NPAS3: variants seen among roughly 807,000 people sequenced by gnomAD.
NPAS3 encodes the protein neuronal PAS domain-containing protein 3.
A neutral mutation model predicts 73.1 loss-of-function variants in NPAS3; 14 were observed. That is an observed-to-expected ratio of 0.19 (90% CI 0.13 to 0.30). The LOEUF is 0.30. Among genes scored for constraint, NPAS3 ranks in the 10% least tolerant of loss-of-function variants. NPAS3 has a pLI of 1.00. For missense variants in NPAS3, 1,096 were observed against 1,250.0 expected (o/e 0.88, Z 1.86); for synonymous variants, 620 against 541.5 (o/e 1.14, Z -2.01).
exon 2 of NPAS3, chr14:33,055,967 G>C (rs1170764805): frequency 1.2e-6 from 1 of 810,148 alleles, no homozygotes; most frequent in Non-Finnish European, 2.1e-6. Context: ...AGATATGACG[G>C]AATCTACTGT....
chr14:32,936,567 G>C (rs922162604), upstream of NPAS3, among the ~76,000 whole-genome samples: 2 of 152,148 alleles, frequency 1.3e-5, no homozygotes, highest in African/African-American at 4.8e-5. Flanking sequence ...TAACTAGGAA[G>C]TGCAGGCAAT....
chr14:33,436,525 C>G (rs775954698), intron 4 of NPAS3, among the ~76,000 whole-genome samples: 4 of 152,172 alleles, frequency 2.6e-5, no homozygotes, highest in Non-Finnish European at 5.9e-5. Context: ...CTCCCCAAAT[C>G]TGTTGTCTTT....
chr14:33,465,511 G>A (rs541086022), intron 4 of NPAS3, among the ~76,000 whole-genome samples: 7 of 152,148 alleles, frequency 4.6e-5, no homozygotes, highest in Non-Finnish European at 1.0e-4. Context: ...ACTAGCTTTG[G>A]TTGAGCACTT....
chr14:33,529,341 T>A (rs564074398), intron 4 of NPAS3, among the ~76,000 whole-genome samples: 19 of 152,280 alleles, frequency 1.2e-4, no homozygotes, highest in African/African-American at 4.6e-4. Flanking sequence ...TCTATATTTA[T>A]TGAGAGCATG....
intron 6 of NPAS3, among the ~76,000 whole-genome samples, chr14:33,686,568 C>A (rs562474293): frequency 6.6e-6 from 1 of 152,264 alleles, no homozygotes. Flanking sequence ...TTATATGCAT[C>A]ACCTCATTTA....
upstream of NPAS3, among the ~76,000 whole-genome samples, chr14:32,938,834 CCCG>C (rs1047805754): frequency 4.1e-5 from 6 of 146,212 alleles, no homozygotes; most frequent in Non-Finnish European, 7.6e-5. Context: ...GCCGCCTCCC[CCCG>C]CCGCCGCCGC....
intron 5 of NPAS3, among the ~76,000 whole-genome samples, chr14:33,601,836 C>T (rs1431412089): frequency 6.6e-6 from 1 of 152,156 alleles, no homozygotes; most frequent in Non-Finnish European, 1.5e-5. Context: ...TTGGAGTAAG[C>T]ATGAGGACTT....
chr14:33,426,671 G>T (rs1199043831), intron 4 of NPAS3, among the ~76,000 whole-genome samples: 1 of 152,012 alleles, frequency 6.6e-6, no homozygotes, highest in East Asian at 1.9e-4. Flanking sequence ...AGTGCAGATG[G>T]GGTACAGGGG....
intron 2 of NPAS3, among the ~76,000 whole-genome samples, chr14:33,112,575 C>G (rs540838047): frequency 6.6e-6 from 1 of 152,238 alleles, no homozygotes; most frequent in Admixed American, 6.5e-5. Flanking sequence ...AGCCCTTTGT[C>G]AGATGAGTAG....
chr14:33,208,283 A>T (rs1224828096), intron 2 of NPAS3, among the ~76,000 whole-genome samples: 2 of 152,176 alleles, frequency 1.3e-5, no homozygotes, highest in Non-Finnish European at 2.9e-5. Flanking sequence ...ACATCAGTTG[A>T]AAAGGACTGT....
chr14:33,050,269 T>C (rs577902632), intron 1 of NPAS3, among the ~76,000 whole-genome samples: 172 of 152,316 alleles, frequency 1.1e-3, no homozygotes, highest in Non-Finnish European at 2.0e-3. Flanking sequence ...TTTTTTTGTT[T>C]TTTGTTTTAA....
intron 4 of NPAS3, among the ~76,000 whole-genome samples, chr14:33,541,099 GTGTGTGT>G (rs1566985320): frequency 0.014 from 2,012 of 148,598 alleles, 56 homozygotes; most frequent in African/African-American, 0.047. Context: ...GTTTAGAGGT[GTGTGTGT>G]GTGTGTGTGT....
intron 4 of NPAS3, among the ~76,000 whole-genome samples, chr14:33,493,269 A>G (rs765599819): frequency 7.0e-4 from 106 of 151,044 alleles, no homozygotes; most frequent in Non-Finnish European, 1.3e-3. Flanking sequence ...CCCTTTAAAT[A>G]CTTTCTGACA....
chr14:33,201,071 T>C (rs972577386), intron 2 of NPAS3, among the ~76,000 whole-genome samples: 1 of 152,192 alleles, frequency 6.6e-6, no homozygotes, highest in African/African-American at 2.4e-5. Context: ...GAGATATGAC[T>C]AATGCAAATG....
chr14:33,368,371 G>C (rs1004664790), intron 4 of NPAS3, among the ~76,000 whole-genome samples: 5 of 151,680 alleles, frequency 3.3e-5, no homozygotes, highest in Non-Finnish European at 7.4e-5. Flanking sequence ...CTCCAAAGCA[G>C]TGTCTTTACT....
chr14:33,145,268 T>C (rs1038696022), intron 2 of NPAS3, among the ~76,000 whole-genome samples: 1 of 152,124 alleles, frequency 6.6e-6, no homozygotes, highest in Non-Finnish European at 1.5e-5. Flanking sequence ...TCTTTTCCAA[T>C]CCCTAATAAA....
At position 33,786,185 on chromosome 14, in the gene NPAS3, G is replaced by T. The variant is rs181346188; in HGVS notation, c.1153+7613G>T. Among the ~76,000 whole-genome samples, 947 of 152,314 alleles carry T rather than the reference G, an allele frequency of 6.2e-3. 9 individuals carry two copies. Among genetic ancestry groups the T allele is most frequent in the African/African-American group, 0.021 (864 of 41,564 alleles). ...AAATCAGACTTTTGTTATCCAGAAG[G>T]AAGTGGCAGAATAGCTGTTGAGCAG... On this transcript the variant is annotated intron_variant, in intron 9 of 11. Transcript: ENST00000356141.
chr14:33,311,337 C>G (rs2042994611), intron 3 of NPAS3, among the ~76,000 whole-genome samples: 1 of 152,042 alleles, frequency 6.6e-6, no homozygotes, highest in Admixed American at 6.6e-5. Context: ...CAATCAAAGG[C>G]CTTATTCATA....
intron 8 of NPAS3, among the ~76,000 whole-genome samples, chr14:33,775,325 C>T (rs2062778846): frequency 6.6e-6 from 1 of 152,140 alleles, no homozygotes; most frequent in Non-Finnish European, 1.5e-5. Context: ...CGATACTATC[C>T]TTCCCCGGGT....
Sources: allele counts gnomAD v4.1 joint callset (sites outside exome capture counted in the v4.1 genomes callset), GRCh38; gene constraint gnomAD v4.1.1; transcripts MANE v1.5; gene names NCBI Gene and HGNC (gene_info 2026-07-23, HGNC 2026-07-21).